The following SCYL2 variants were observed in gnomAD, a reference collection of about 807,000 sequenced individuals.
The protein encoded by SCYL2 is SCY1-like protein 2.
SCYL2 carries 36 observed loss-of-function variants against 100.4 expected under a neutral mutation model. The ratio of observed to expected loss-of-function variants is 0.36; its 90% CI spans 0.27 to 0.47. The LOEUF (loss-of-function observed/expected upper bound fraction) is 0.47, where lower values mean the gene tolerates loss of function less well. Ranked by LOEUF, SCYL2 falls within the 20% of genes least tolerant of loss-of-function variation. SCYL2 has a pLI of 1.00. For missense variants in SCYL2, 902 were observed against 1,083.9 expected (o/e 0.83, Z 2.36); for synonymous variants, 330 against 359.2 (o/e 0.92, Z 0.92).
chr12:100,335,835 A>G lies in SCYL2; in HGVS notation c.1954A>G (p.Ile652Val), dbSNP rs752132270. 1 of 1,613,402 alleles carries G rather than the reference A, an allele frequency of 6.2e-7. No individual in the cohort carries two copies. The highest frequency in any genetic ancestry group is 1.1e-5 in the South Asian group (1 of 91,038). The part of the protein sequence containing the change: ...NQQIDKVFNN[I>V]GADLLTGSES... ...GCAAATTGACAAAGTTTTTAACAACATTGGAGCAGACCTTCTGACTGGCAG... is the reference window on the plus strand; with the variant it reads ...GCAAATTGACAAAGTTTTTAACAACGTTGGAGCAGACCTTCTGACTGGCAG... Residue 652 changes from isoleucine to valine, a missense_variant, in exon 16 of 18, where the codon ATT (isoleucine) becomes GTT (valine). By Grantham distance (29) the Ile-to-Val change is conservative (BLOSUM62 3). Transcript: ENST00000360820.
chr12:100,323,834 C>A, intron 11 of SCYL2, 196 bp downstream of exon 11: 1 of 345,188 alleles, frequency 2.9e-6, no homozygotes, highest in Non-Finnish European at 5.2e-6. Context: ...CCTAACCTTA[C>A]TTGCTGTCCC....
rs752797831 is a variant in SCYL2, at chr12:100,326,767, T to G, written c.1642+13T>G. ...ATGGGAATTTTAGGTAGCTGAAAATTTAATGTCATTTGATGCTATTTTATC... is the reference window on the plus strand; with the variant it reads ...ATGGGAATTTTAGGTAGCTGAAAATGTAATGTCATTTGATGCTATTTTATC... On this transcript the variant is annotated intron_variant, in intron 12 of 17. Transcript: ENST00000360820. 5.6e-6 allele frequency: 9 copies of G among 1,601,890 alleles called. No homozygotes were observed.
At chr12:100,336,578 A>G (rs948766819) in intron 16 of SCYL2, among the ~76,000 whole-genome samples, 1 of 152,146 alleles carries the variant, frequency 6.6e-6, no homozygotes, top group African/African-American at 2.4e-5. Flanking sequence ...GGTTTATTCC[A>G]GCAGGGGTAC....
At chr12:100,317,649 G>C (rs765307842) in intron 9 of SCYL2, 154 bp from the exon 10 acceptor site, 29 of 1,405,772 alleles carry the variant, frequency 2.1e-5, no homozygotes, top group Non-Finnish European at 2.5e-5. Flanking sequence ...TAAGAGACTT[G>C]ATTTGTGTGT....
intron 1 of SCYL2, 79 bp from the exon 2 acceptor site, chr12:100,282,864 A>C: frequency 3.1e-6 from 2 of 644,858 alleles, no homozygotes; most frequent in South Asian, 6.4e-5. Context: ...GAGATCTTAC[A>C]CTTTTCAAAT....
Position 100,267,815 on chromosome 12 carries a change from T to G in SCYL2, c.-29+23T>G, listed in dbSNP as rs542926674. ...CGGGTGAGAGAGTTCACCTCAGTTC[T>G]GAGGTCCGGAATCCGGTAGCCTGGG... On this transcript the variant is annotated intron_variant, in intron 1 of 17. Transcript: ENST00000360820. The G allele has an allele frequency of 5.2e-5, 8 of 152,470 alleles. No homozygotes were observed. The East Asian group carries it at 1.4e-3, about 26-fold the overall frequency. The allele number at this position is 152,470 out of a possible 1,614,324, so 9.4% of individuals were successfully genotyped here. A position where few individuals can be genotyped will look rare whatever the true frequency, so the allele number is the denominator to read the frequency against.
chr12:100,277,077 G>C (rs1214867296), intron 1 of SCYL2, among the ~76,000 whole-genome samples: 1 of 151,932 alleles, frequency 6.6e-6, no homozygotes, highest in African/African-American at 2.4e-5. Context: ...TTGATTTCTA[G>C]TTTAATTTTA....
intron 4 of SCYL2, among the ~76,000 whole-genome samples, chr12:100,305,650 G>T (rs1408386038): frequency 6.8e-6 from 1 of 146,192 alleles, no homozygotes; most frequent in Admixed American, 6.9e-5. Context: ...ACTAAGATTA[G>T]AGCAGAACCA....
chr12:100,291,704 T>A, intron 3 of SCYL2, 44 bp downstream of exon 3: 1 of 1,490,568 alleles, frequency 6.7e-7, no homozygotes, highest in African/African-American at 1.4e-5. Context: ...CCTGAACAAA[T>A]AGTTAAAAAT....
intron 2 of SCYL2, 115 bp downstream of exon 2, chr12:100,283,262 G>A: frequency 2.5e-6 from 2 of 792,206 alleles, no homozygotes; most frequent in Non-Finnish European, 3.9e-6. Context: ...GTTCTTAAAT[G>A]GGTTCTTTAG....
rs766994461 is a variant in SCYL2, at chr12:100,337,430, A to G, written c.2069A>G (p.Gln690Arg). Residue 690 changes from glutamine (Q) to arginine (R), a missense_variant, in exon 17 of 18, where the codon CAA becomes CGA. Gln to Arg is a conservative substitution (Grantham distance 43, BLOSUM62 1). Transcript: ENST00000360820. ...LEEKQKLAKE[Q>R]EQAQKLKSQQ... ...GAAAAACAAAAATTAGCAAAAGAACAAGAGCAGGCACAGAAGCTGAAAAGC... is the reference window on the plus strand; with the variant it reads ...GAAAAACAAAAATTAGCAAAAGAACGAGAGCAGGCACAGAAGCTGAAAAGC... 2 of 1,607,680 alleles carry G rather than the reference A, an allele frequency of 1.2e-6. No individual in the cohort carries two copies. Among genetic ancestry groups the G allele is most frequent in the Admixed American group, 1.7e-5 (1 of 57,926 alleles).
intron 3 of SCYL2, among the ~76,000 whole-genome samples, chr12:100,297,680 A>G (rs1289114854): frequency 1.3e-5 from 2 of 152,216 alleles, no homozygotes; most frequent in African/African-American, 2.4e-5. Context: ...CATAAGTGTA[A>G]TGTAACAGTA....
Position 100,283,069 on chromosome 12 carries a change from T to A in SCYL2, c.99T>A (p.Asp33Glu), listed in dbSNP as rs773806099. ...GAAATCCTGTCACTAGAGAATTTGATGTTGGTCGACACATTGCCAGTGGTG... is the reference window on the plus strand; with the variant it reads ...GAAATCCTGTCACTAGAGAATTTGAAGTTGGTCGACACATTGCCAGTGGTG... The part of the protein sequence containing the change: ...VMGNPVTREF[D>E]VGRHIASGGN... Residue 33 changes from aspartate to glutamate, a missense_variant, in exon 2 of 18, where the codon GAT becomes GAA. Asp to Glu is a conservative substitution (Grantham distance 45). Transcript: ENST00000360820. The A allele has an allele frequency of 3.1e-6, 5 of 1,613,380 alleles. No individual in the cohort carries two copies. The African/African-American group carries it at 6.7e-5, about 22-fold the overall frequency.
chr12:100,297,954 A>C, intron 3 of SCYL2, 77 bp from the exon 4 acceptor site: 1 of 1,073,024 alleles, frequency 9.3e-7, no homozygotes, highest in Non-Finnish European at 1.4e-6. Context: ...TAATAGGAGC[A>C]CTAATATTTT....
intron 11 of SCYL2, 151 bp downstream of exon 11, chr12:100,323,789 A>G (rs1388605884): frequency 2.2e-6 from 1 of 454,406 alleles, no homozygotes; most frequent in Admixed American, 4.3e-5. Context: ...AATGAGCTGT[A>G]GTTTTCTTTG....
intron 1 of SCYL2, among the ~76,000 whole-genome samples, chr12:100,278,630 CTT>C (rs66782127): frequency 1.3e-3 from 157 of 120,440 alleles, no homozygotes; most frequent in African/African-American, 1.8e-3. Flanking sequence ...TGGGGAAATT[CTT>C]TTTTTTTTTT....
At position 100,327,251 on chromosome 12, in the gene SCYL2, G is replaced by T. The variant is rs540372408; in HGVS notation, c.1642+497G>T. Reference sequence around the variant, plus strand: ...ATATAAGTGGTAAGTGATAGGAGCTGGTTTTCTAATATGTTTAAGTCTTAA... The same window carrying T: ...ATATAAGTGGTAAGTGATAGGAGCTTGTTTTCTAATATGTTTAAGTCTTAA... On this transcript the variant is annotated intron_variant, in intron 12 of 17. Coordinates refer to ENST00000360820, the MANE Select transcript of SCYL2 (RefSeq NM_017988.6). 16 of 323,456 alleles carry T rather than the reference G, an allele frequency of 4.9e-5. No homozygotes were observed. In the East Asian group the frequency reaches 1.3e-3, roughly 27 times the overall value. 20.0% of individuals were successfully genotyped at this position (323,456 alleles called of 1,614,324 possible).
chr12:100,320,810 C>G (rs1426861221), intron 10 of SCYL2, among the ~76,000 whole-genome samples: 1 of 152,030 alleles, frequency 6.6e-6, no homozygotes, highest in Non-Finnish European at 1.5e-5. Flanking sequence ...GCCTGATCTT[C>G]TGTAAGGAAG....
chr12:100,291,268 A>T (rs2096310300), intron 2 of SCYL2, among the ~76,000 whole-genome samples: 1 of 152,214 alleles, frequency 6.6e-6, no homozygotes, highest in Admixed American at 6.5e-5. Flanking sequence ...TGTACCTGTG[A>T]TAGCAGAATT....
Sources: gnomAD v4.1 joint callset for allele counts (sites outside exome capture counted in the v4.1 genomes callset) on GRCh38, gnomAD v4.1.1 for gene constraint, MANE v1.5 for transcripts, NCBI Gene and HGNC (gene_info 2026-07-23, HGNC 2026-07-21) for gene names.